The following OSBPL10 variants were observed in gnomAD, a reference collection of about 807,000 sequenced individuals.
OSBPL10 encodes oxysterol-binding protein-related protein 10.
Under a neutral mutation model 81.7 loss-of-function variants are expected in OSBPL10, and 49 were observed. The ratio of observed to expected loss-of-function variants is 0.60; its 90% CI spans 0.48 to 0.76. The LOEUF (loss-of-function observed/expected upper bound fraction) is 0.76, where lower values mean the gene tolerates loss of function less well. Among genes scored for constraint, OSBPL10 ranks in the 30% least tolerant of loss-of-function variants. The probability of loss-of-function intolerance (pLI) is 0.00; values close to 1 mark genes in which losing one functional copy is unlikely to be tolerated. For synonymous variants in OSBPL10, 419 were observed against 383.6 expected, an observed-to-expected ratio of 1.09 and a Z score of -1.08; for missense variants, 923 against 987.8, an observed-to-expected ratio of 0.93 and a Z score of 0.88.
At chr3:32,000,375 A>G (rs1231345843) in intron 2 of OSBPL10, among the ~76,000 whole-genome samples, 1 of 152,098 alleles carries the variant, frequency 6.6e-6, no homozygotes, top group South Asian at 2.1e-4. Flanking sequence ...ACTGCCTCCA[A>G]CTGGTTTTGC....
intron 1 of OSBPL10, among the ~76,000 whole-genome samples, chr3:31,937,766 T>G (rs938893435): frequency 1.3e-5 from 2 of 152,138 alleles, no homozygotes; most frequent in African/African-American, 2.4e-5. Context: ...CATTGTAGCT[T>G]CTCCTTATTG....
At chr3:31,734,731 C>T (rs1452744194) in intron 5 of OSBPL10, among the ~76,000 whole-genome samples, 3 of 152,120 alleles carry the variant, frequency 2.0e-5, no homozygotes, top group Non-Finnish European at 4.4e-5. Flanking sequence ...ATGCAAGACA[C>T]TGTCTCCAAA....
chr3:31,807,497 T>G (rs1044998258), intron 4 of OSBPL10, among the ~76,000 whole-genome samples: 12 of 151,238 alleles, frequency 7.9e-5, no homozygotes, highest in Non-Finnish European at 1.6e-4. Flanking sequence ...CATGGCATGG[T>G]GGCTCATGCC....
chr3:31,938,978 C>T (rs914974719), intron 1 of OSBPL10, among the ~76,000 whole-genome samples: 1 of 152,100 alleles, frequency 6.6e-6, no homozygotes, highest in Non-Finnish European at 1.5e-5. Context: ...TCTTCCTTCC[C>T]ATTCAGTGGA....
chr3:31,718,585 G>A (rs565014618), intron 6 of OSBPL10, among the ~76,000 whole-genome samples: 54 of 152,268 alleles, frequency 3.5e-4, no homozygotes, highest in Middle Eastern at 3.4e-3. Context: ...ATCATGAAAC[G>A]CATCCTTCAT....
intron 8 of OSBPL10, among the ~76,000 whole-genome samples, chr3:31,675,542 A>G (rs1018814135): frequency 6.6e-6 from 1 of 152,204 alleles, no homozygotes; most frequent in East Asian, 1.9e-4. Flanking sequence ...AAACTCAGCT[A>G]ACAGCACTGC....
intron 1 of OSBPL10, among the ~76,000 whole-genome samples, chr3:31,942,010 C>T (rs574044945): frequency 1.2e-4 from 19 of 152,306 alleles, no homozygotes; most frequent in African/African-American, 4.3e-4. Context: ...CACGGTGGCT[C>T]ACGCCTGTAA....
At chr3:31,836,016 G>GT (rs909064902) in intron 3 of OSBPL10, among the ~76,000 whole-genome samples, 1 of 152,058 alleles carries the variant, frequency 6.6e-6, no homozygotes, top group Non-Finnish European at 1.5e-5. Flanking sequence ...ATTGCTTTTT[G>GT]TTTTTTAGTT....
At chr3:31,984,343 C>T (rs1480986936), upstream of OSBPL10, among the ~76,000 whole-genome samples, 2 of 150,380 alleles carry the variant, frequency 1.3e-5, no homozygotes, top group Non-Finnish European at 3.0e-5. Context: ...CCGGGCCCAC[C>T]TAAGGTTTTT....
At chr3:31,810,239 G>T (rs182687969) in intron 4 of OSBPL10, among the ~76,000 whole-genome samples, 1 of 152,126 alleles carries the variant, frequency 6.6e-6, no homozygotes, top group Non-Finnish European at 1.5e-5. Context: ...AATGATTGAA[G>T]TAGTCTAGAA....
chr3:32,023,506 G>A (rs1170385452), intron 2 of OSBPL10, among the ~76,000 whole-genome samples: 1 of 152,130 alleles, frequency 6.6e-6, no homozygotes, highest in African/African-American at 2.4e-5. Flanking sequence ...GACTAATACA[G>A]CTAGATAGGT....
At chr3:31,869,817 G>A (rs1349326727) in intron 3 of OSBPL10, among the ~76,000 whole-genome samples, 2 of 152,174 alleles carry the variant, frequency 1.3e-5, no homozygotes, top group Non-Finnish European at 2.9e-5. Flanking sequence ...CTACCTCACA[G>A]GACCTCTGTG....
intron 9 of OSBPL10, among the ~76,000 whole-genome samples, chr3:31,670,218 T>C (rs529166568): frequency 6.6e-6 from 1 of 152,334 alleles, no homozygotes; most frequent in South Asian, 2.1e-4. Flanking sequence ...AGGGCAAAGA[T>C]GGAAGTTTGT....
At chr3:32,072,827 G>C (rs1483602854) in intron 1 of OSBPL10, among the ~76,000 whole-genome samples, 1 of 152,148 alleles carries the variant, frequency 6.6e-6, no homozygotes, top group East Asian at 1.9e-4. Context: ...TTCCCACGGG[G>C]TCTGAGAAGG....
intron 1 of OSBPL10, among the ~76,000 whole-genome samples, chr3:31,901,518 C>A (rs967003519): frequency 1.3e-5 from 2 of 152,212 alleles, no homozygotes; most frequent in African/African-American, 4.8e-5. Flanking sequence ...CAGATCCCAG[C>A]TGAAAAAGGC....
At chr3:31,759,828 C>T (rs894304715) in intron 4 of OSBPL10, among the ~76,000 whole-genome samples, 5 of 152,168 alleles carry the variant, frequency 3.3e-5, no homozygotes, top group South Asian at 2.1e-4. Flanking sequence ...GGCACGATCT[C>T]GGCTTACTGC....
chr3:31,902,365 C>T lies in OSBPL10; in HGVS notation c.282-22535G>A, dbSNP rs577012061. Among the ~76,000 whole-genome samples the T allele has an allele frequency of 4.0e-5, 6 of 149,822 alleles. No individual in the cohort carries two copies. The South Asian group carries it at 1.1e-3, about 27-fold the overall frequency. ...GCAACCTCTGCCTCCCTGGTTCAAGCGATTCTCCTGCCTCAGCCTTCCGAA... is the reference window on the plus strand; with the variant it reads ...GCAACCTCTGCCTCCCTGGTTCAAGTGATTCTCCTGCCTCAGCCTTCCGAA... On this transcript the variant is annotated intron_variant, in intron 1 of 11. Transcript: ENST00000396556.
At chr3:31,840,954 G>A (rs961750426) in intron 3 of OSBPL10, among the ~76,000 whole-genome samples, 1 of 152,172 alleles carries the variant, frequency 6.6e-6, no homozygotes, top group Non-Finnish European at 1.5e-5. Flanking sequence ...TGTAGCCCAG[G>A]CTGGAGTGCA....
chr3:31,809,402 C>G (rs1338652262), intron 4 of OSBPL10, among the ~76,000 whole-genome samples: 1 of 152,196 alleles, frequency 6.6e-6, no homozygotes, highest in Non-Finnish European at 1.5e-5. Context: ...GATCCACAAA[C>G]TTTAAAATGC....
Sources: allele counts gnomAD v4.1 joint callset (sites outside exome capture counted in the v4.1 genomes callset), GRCh38; gene constraint gnomAD v4.1.1; transcripts MANE v1.5; gene names NCBI Gene and HGNC (gene_info 2026-07-23, HGNC 2026-07-21).